The following PIK3C2B variants were observed in gnomAD, a reference collection of about 807,000 sequenced individuals.
PIK3C2B encodes phosphatidylinositol-4-phosphate 3-kinase catalytic subunit type 2 beta, also known as phosphatidylinositol 4-phosphate 3-kinase C2 domain-containing subunit beta.
PIK3C2B carries 83 observed loss-of-function variants against 184.3 expected under a neutral mutation model. That is an observed-to-expected ratio of 0.45 (90% confidence interval 0.38 to 0.54). The LOEUF (loss-of-function observed/expected upper bound fraction) is 0.54. Ranked by LOEUF, PIK3C2B falls within the 20% of genes least tolerant of loss-of-function variation. The pLI is 0.00. For missense variants in PIK3C2B, 1,736 were observed against 2,113.5 expected, an observed-to-expected ratio of 0.82 and a Z score of 3.50; for synonymous variants, 779 against 837.6, an observed-to-expected ratio of 0.93 and a Z score of 1.21.
At chr1:204,434,629 T>A in intron 23 of PIK3C2B, 21 bp from the exon 24 acceptor site, 2 of 1,598,386 alleles carry the variant, frequency 1.3e-6, no homozygotes, top group Non-Finnish European at 8.6e-7. Flanking sequence ...TCAAGGCAGA[T>A]GGGAGGAGAG....
intron 19 of PIK3C2B, among the ~76,000 whole-genome samples, chr1:204,443,039 T>A (rs1454400011): frequency 6.6e-6 from 1 of 152,192 alleles, no homozygotes; most frequent in African/African-American, 2.4e-5. Context: ...TACAAACAGA[T>A]AAAGGTGTCC....
At chr1:204,481,348 A>T (rs1273414968) in intron 1 of PIK3C2B, among the ~76,000 whole-genome samples, 1 of 148,506 alleles carries the variant, frequency 6.7e-6, no homozygotes, top group African/African-American at 2.5e-5. Flanking sequence ...GCTCACTGCA[A>T]CCTCCACCTC....
At chr1:204,485,886 G>A (rs563794223) in intron 1 of PIK3C2B, among the ~76,000 whole-genome samples, 1 of 152,114 alleles carries the variant, frequency 6.6e-6, no homozygotes, top group South Asian at 2.1e-4. Flanking sequence ...TGGGGGATGT[G>A]CGATGGCTGT....
At chr1:204,473,948 C>G (rs977266311) in intron 1 of PIK3C2B, among the ~76,000 whole-genome samples, 1 of 149,782 alleles carries the variant, frequency 6.7e-6, no homozygotes, top group Admixed American at 6.7e-5. Context: ...CTAATCTTAA[C>G]AAGAAAGGAA....
At position 204,447,531 on chromosome 1, in the gene PIK3C2B, A is replaced by AG. The variant is rs760150806; in HGVS notation, c.2393dup (p.Gly799TrpfsTer9). ...CATAGCGGGGGCTGAACTTGTCTCC[A>AG]GGGGGGCTGGTGAACTTGATGTCAA... On this transcript the variant is annotated frameshift_variant, in exon 15 of 33. Coordinates refer to ENST00000684373, the MANE Select transcript of PIK3C2B (RefSeq NM_001377334.1). LOFTEE classifies it high-confidence loss of function. This position sits in a 1 kb window ranked among gnomAD's most constrained non-coding sequence, Gnocchi z 4.1. The AG allele has an allele frequency of 1.9e-6, 3 of 1,605,034 alleles. No homozygotes were observed. The highest frequency in any genetic ancestry group is 1.7e-6 in the Non-Finnish European group (2 of 1,175,802).
chr1:204,443,921 GA>G, intron 18 of PIK3C2B, 146 bp downstream of exon 18: 1 of 674,850 alleles, frequency 1.5e-6, no homozygotes, highest in Non-Finnish European at 2.7e-6. Context: ...GACCCCTGAG[GA>G]AAAGATGCTG....
Position 204,464,132 on chromosome 1 carries a change from C to T in PIK3C2B, c.1190G>A (p.Cys397Tyr). Residue 397 changes from cysteine (C) to tyrosine (Y), a missense_variant and splice_region_variant, in exon 5 of 33, where the codon TGT becomes TAT. By Grantham distance (194) the Cys-to-Tyr change is radical. Coordinates refer to ENST00000684373, the MANE Select transcript of PIK3C2B (RefSeq NM_001377334.1). ...GATAAGCAAGTCTACAGTGGAGGAACCTGTGAAGGGTAAGGTAGGGGGAGC... is the reference window on the plus strand; with the variant it reads ...GATAAGCAAGTCTACAGTGGAGGAATCTGTGAAGGGTAAGGTAGGGGGAGC... ...LQEALTFTCN[C>Y]SSTVDLLIYQ... is the part of the protein sequence containing the mutation. 1 of 1,613,858 alleles carries T rather than the reference C, an allele frequency of 6.2e-7. No homozygotes were observed. Among genetic ancestry groups the T allele is most frequent in the Non-Finnish European group, 8.5e-7 (1 of 1,179,864 alleles).
At chr1:204,427,586 C>T in intron 31 of PIK3C2B, 62 bp downstream of exon 31, 1 of 1,136,038 alleles carries the variant, frequency 8.8e-7, no homozygotes, top group Non-Finnish European at 1.3e-6. Context: ...GAAGGTCTGC[C>T]CAAAAAAGTA....
intron 1 of PIK3C2B, among the ~76,000 whole-genome samples, chr1:204,476,908 G>A (rs1453868210): frequency 6.6e-6 from 1 of 152,194 alleles, no homozygotes; most frequent in East Asian, 1.9e-4. Context: ...CGTCCAGAAG[G>A]TCTGTTACAG....
In PIK3C2B at chr1:204,464,670, G is replaced by A. The variant is rs1273100945; in HGVS notation, c.1035-66C>T. 7 of 1,486,974 alleles carry A rather than the reference G, an allele frequency of 4.7e-6. No homozygotes were observed. The South Asian group carries it at 4.9e-5, about 11-fold the overall frequency. 92.1% of individuals were successfully genotyped at this position (1,486,974 alleles called of 1,614,324 possible). The stretch of plus-strand genomic sequence containing the variant: ...GAGAGTAGTCAAGAAGACATCTGTT[G>A]GGAACCTCATGCTCTGAGGCTCAAG... On this transcript the variant is annotated intron_variant, in intron 3 of 32. Transcript: ENST00000684373.
At chr1:204,459,575 G>C (rs115237055) in intron 8 of PIK3C2B, among the ~76,000 whole-genome samples, 1 of 152,162 alleles carries the variant, frequency 6.6e-6, no homozygotes, top group Admixed American at 6.5e-5. Context: ...TGCAGCAGCT[G>C]GGGGGTGACA....
At chr1:204,488,838 A>G (rs1265829199) in intron 1 of PIK3C2B, among the ~76,000 whole-genome samples, 1 of 152,248 alleles carries the variant, frequency 6.6e-6, no homozygotes, top group Non-Finnish European at 1.5e-5. Context: ...CAATGACTTA[A>G]AAGTACCTAA....
chr1:204,480,060 G>A (rs972009782), intron 1 of PIK3C2B, among the ~76,000 whole-genome samples: 7 of 152,340 alleles, frequency 4.6e-5, no homozygotes, highest in East Asian at 1.9e-4. Context: ...CAAGGAGCAA[G>A]GAGGCAGTGT....
chr1:204,425,569 C>G (rs1674700285), intron 32 of PIK3C2B, 44 bp downstream of exon 32: 2 of 1,605,250 alleles, frequency 1.2e-6, no homozygotes, highest in Non-Finnish European at 1.7e-6. Context: ...AGAACAGGCG[C>G]AGGTTGCCAA....
At chr1:204,446,462 A>G (rs570816499) in intron 15 of PIK3C2B, among the ~76,000 whole-genome samples, 40 of 152,282 alleles carry the variant, frequency 2.6e-4, no homozygotes, top group Admixed American at 4.6e-4. Context: ...TTTGATCCCA[A>G]CTCAGGGACA....
At chr1:204,438,853 G>C in intron 23 of PIK3C2B, 82 bp downstream of exon 23, 2 of 1,480,504 alleles carry the variant, frequency 1.4e-6, no homozygotes, top group Non-Finnish European at 1.9e-6. Flanking sequence ...CTCTGAGCAA[G>C]TGCAGGTCTT....
intron 1 of PIK3C2B, among the ~76,000 whole-genome samples, chr1:204,486,749 T>C (rs954342581): frequency 6.6e-6 from 1 of 152,174 alleles, no homozygotes; most frequent in East Asian, 1.9e-4. Flanking sequence ...TTACCTCTTA[T>C]TTATTTATTA....
chr1:204,453,098 G>A (rs1654513644), intron 12 of PIK3C2B, among the ~76,000 whole-genome samples: 2 of 152,050 alleles, frequency 1.3e-5, no homozygotes, highest in East Asian at 1.9e-4. Flanking sequence ...TTGCATCCTC[G>A]GCCTCCCCAG....
intron 8 of PIK3C2B, among the ~76,000 whole-genome samples, chr1:204,459,429 A>AG (rs1372495688): frequency 6.6e-6 from 1 of 152,190 alleles, no homozygotes; most frequent in East Asian, 1.9e-4. Flanking sequence ...CCAAGTGGGG[A>AG]GGGCTCTGGC....
Sources: gnomAD v4.1 joint callset for allele counts (sites outside exome capture counted in the v4.1 genomes callset) on GRCh38, gnomAD v4.1.1 for gene constraint, Gnocchi (gnomAD v3.1) non-coding constraint, MANE v1.5 for transcripts, NCBI Gene and HGNC (gene_info 2026-07-23, HGNC 2026-07-21) for gene names.